SLIT2: variants seen among roughly 807,000 people sequenced by gnomAD.
SLIT2 encodes slit homolog 2 protein.
A neutral mutation model predicts 185.7 loss-of-function variants in SLIT2; 41 were observed. That is an observed-to-expected ratio of 0.22 (90% CI 0.17 to 0.29). The LOEUF is 0.29. SLIT2 is among the 10% of genes least tolerant of loss of function. SLIT2 has a pLI of 1.00. For synonymous variants in SLIT2, 693 were observed against 680.2 expected (o/e 1.02, Z -0.29); for missense variants, 1,571 against 1,909.0 (o/e 0.82, Z 3.30).
intron 9 of SLIT2, among the ~76,000 whole-genome samples, chr4:20,499,369 C>T (rs561090103): frequency 1.3e-5 from 2 of 152,238 alleles, no homozygotes; most frequent in Admixed American, 6.5e-5. Context: ...CTCCCATATA[C>T]GCTTAAACTT....
chr4:20,516,242 C>G (rs1720203064), intron 11 of SLIT2, among the ~76,000 whole-genome samples: 1 of 152,156 alleles, frequency 6.6e-6, no homozygotes, highest in Non-Finnish European at 1.5e-5. Context: ...TTCCTTATAG[C>G]AGCAGGTACA....
rs547998290 is a variant in SLIT2 at position 20,605,711 on chromosome 4, A to T, written c.3693-4302A>T. Among the ~76,000 whole-genome samples the T allele has an allele frequency of 7.2e-3, 953 of 131,832 alleles. 11 individuals are homozygous for T. The highest frequency in any genetic ancestry group is 0.019 in the Middle Eastern group (5 of 260). 86.5% of individuals were successfully genotyped at this position (131,832 alleles called of 152,430 possible). ...TCGATCACTGCTTTTATTTTATTTT[A>T]TATTTTATTTTATTTTATTTTATTT... On this transcript the variant is annotated intron_variant, in intron 33 of 36. Coordinates refer to ENST00000504154, the MANE Select transcript of SLIT2 (RefSeq NM_004787.4).
intron 5 of SLIT2, 43 bp downstream of exon 5, chr4:20,467,866 C>A (rs777954360): frequency 1.0e-6 from 1 of 1,003,944 alleles, no homozygotes; most frequent in South Asian, 1.6e-5. Context: ...AAGTCATTAT[C>A]TATTTTCAAA....
At position 20,484,183 on chromosome 4, in the gene SLIT2, T is replaced by C. The variant is rs1176626325; in HGVS notation, c.540-2017T>C. Among the ~76,000 whole-genome samples, 1 of 152,114 alleles carries C rather than the reference T, an allele frequency of 6.6e-6. No homozygotes were observed. The highest frequency in any genetic ancestry group is 1.5e-5 in the Non-Finnish European group (1 of 68,010). Reference sequence around the variant, plus strand: ...CTCTCTGTGTAGTACTTAAAACAATTTATTCCCAAAGTCATATTTCAGAAT... The same window carrying C: ...CTCTCTGTGTAGTACTTAAAACAATCTATTCCCAAAGTCATATTTCAGAAT... On this transcript the variant is annotated intron_variant, in intron 6 of 36. Coordinates refer to ENST00000504154, the MANE Select transcript of SLIT2 (RefSeq NM_004787.4). This position sits in a 1 kb window ranked among gnomAD's most constrained non-coding sequence, Gnocchi z 4.3.
Position 20,472,629 on chromosome 4 carries a change from T to TAGATATATCTAGATATATCG in SLIT2, c.467+4807_467+4808insGATATATCTAGATATATCGA. On this transcript the variant is annotated intron_variant, in intron 5 of 36. Coordinates refer to ENST00000504154, the MANE Select transcript of SLIT2 (RefSeq NM_004787.4). Reference sequence around the variant, plus strand: ...ATATATCTATATATATCGATATATCTATATATATCGATATATATATTTAAA... The same window carrying TAGATATATCTAGATATATCG: ...ATATATCTATATATATCGATATATCTAGATATATCTAGATATATCGATATATATCGATATATATATTTAAA... 1.4e-3 allele frequency among the ~76,000 whole-genome samples: 22 copies of TAGATATATCTAGATATATCG among 15,760 alleles called. 6 individuals carry two copies. Among genetic ancestry groups the TAGATATATCTAGATATATCG allele is most frequent in the Non-Finnish European group, 1.9e-3 (15 of 7,808 alleles). 10.3% of individuals were successfully genotyped at this position (15,760 alleles called of 152,430 possible). A position where few individuals can be genotyped will look rare whatever the true frequency, so the allele number is the denominator to read the frequency against.
At chr4:20,369,589 C>T (rs1723407607) in intron 4 of SLIT2, among the ~76,000 whole-genome samples, 1 of 152,094 alleles carries the variant, frequency 6.6e-6, no homozygotes. Flanking sequence ...ATTGTCCACT[C>T]TTTGTTTGTC....
intron 30 of SLIT2, among the ~76,000 whole-genome samples, chr4:20,591,872 C>A (rs1727545853): frequency 6.6e-6 from 1 of 151,922 alleles, no homozygotes; most frequent in Non-Finnish European, 1.5e-5. Flanking sequence ...AGTTTGTCTG[C>A]AAAAAGACTA....
chr4:20,593,765 A>G (rs964648666), intron 30 of SLIT2, among the ~76,000 whole-genome samples: 1 of 152,108 alleles, frequency 6.6e-6, no homozygotes, highest in African/African-American at 2.4e-5. Flanking sequence ...TTATTTTTCA[A>G]TTATACCTCA....
At chr4:20,353,331 G>C (rs943167403) in intron 4 of SLIT2, among the ~76,000 whole-genome samples, 1 of 152,130 alleles carries the variant, frequency 6.6e-6, no homozygotes, top group Non-Finnish European at 1.5e-5. Context: ...GCATAACTCA[G>C]TTATTTTGTT....
chr4:20,555,022 G>GA (rs1724126311), intron 26 of SLIT2, among the ~76,000 whole-genome samples: 1 of 151,138 alleles, frequency 6.6e-6, no homozygotes, highest in African/African-American at 2.5e-5. Flanking sequence ...CACCCCCTTG[G>GA]CCTCCCAAAG....
chr4:20,494,711 A>G (rs905579941), intron 9 of SLIT2, among the ~76,000 whole-genome samples: 8 of 151,480 alleles, frequency 5.3e-5, no homozygotes, highest in African/African-American at 1.9e-4. Flanking sequence ...CCCGGGGACA[A>G]TGCTTGTAGT....
chr4:20,495,603 G>T (rs1203327123), intron 9 of SLIT2, among the ~76,000 whole-genome samples: 5 of 152,150 alleles, frequency 3.3e-5, no homozygotes, highest in Admixed American at 3.3e-4. Context: ...TTGCATTAAA[G>T]TTATACTAAA....
At chr4:20,582,818 G>T (rs1013923552) in intron 29 of SLIT2, among the ~76,000 whole-genome samples, 2 of 152,044 alleles carry the variant, frequency 1.3e-5, no homozygotes. Context: ...TGCACTTTGG[G>T]GCCATTATTA....
chr4:20,319,745 T>A (rs1234211977), intron 4 of SLIT2, among the ~76,000 whole-genome samples: 5 of 151,726 alleles, frequency 3.3e-5, no homozygotes, highest in Non-Finnish European at 5.9e-5. Flanking sequence ...TTCTCAGGAC[T>A]CTTCTGATTT....
At chr4:20,339,310 A>G (rs886726242) in intron 4 of SLIT2, among the ~76,000 whole-genome samples, 2 of 152,088 alleles carry the variant, frequency 1.3e-5, no homozygotes, top group African/African-American at 4.8e-5. Flanking sequence ...CTACTTGGTC[A>G]CATATATTTG....
chr4:20,258,394 A>G (rs1191151427), intron 3 of SLIT2, among the ~76,000 whole-genome samples: 1 of 151,690 alleles, frequency 6.6e-6, no homozygotes, highest in Non-Finnish European at 1.5e-5. Flanking sequence ...ACTAATAAAG[A>G]TTTACTTTTT....
At chr4:20,473,041 A>G (rs1485306095) in intron 5 of SLIT2, among the ~76,000 whole-genome samples, 1 of 151,942 alleles carries the variant, frequency 6.6e-6, no homozygotes, top group African/African-American at 2.4e-5. Context: ...AGTGAGTTCA[A>G]TATGATTACT....
chr4:20,357,050 T>C (rs930291133), intron 4 of SLIT2, among the ~76,000 whole-genome samples: 1 of 152,228 alleles, frequency 6.6e-6, no homozygotes, highest in Admixed American at 6.5e-5. Flanking sequence ...TTGAATTTGA[T>C]TTAAAATTTT....
rs541830688 is a variant in SLIT2 at position 20,538,001 on chromosome 4, C to G, written c.1833-1440C>G. 2.0e-5 allele frequency among the ~76,000 whole-genome samples: 3 copies of G among 152,224 alleles called. No individual in the cohort carries two copies. In the South Asian group the frequency reaches 6.2e-4, roughly 32 times the overall value. ...TTGAGACGGAGTCTCGCTCTGTCGCCCAGGCTGGAGTGCTGTGATGCTATC... is the reference window on the plus strand; with the variant it reads ...TTGAGACGGAGTCTCGCTCTGTCGCGCAGGCTGGAGTGCTGTGATGCTATC... On this transcript the variant is annotated intron_variant, in intron 18 of 36. Transcript: ENST00000504154.
Sources: allele counts gnomAD v4.1 joint callset (sites outside exome capture counted in the v4.1 genomes callset), GRCh38; gene constraint gnomAD v4.1.1; non-coding constraint Gnocchi (gnomAD v3.1); transcripts MANE v1.5; gene names NCBI Gene and HGNC (gene_info 2026-07-23, HGNC 2026-07-21).